Variants in SCN10A observed in about 807,000 individuals in gnomAD.
The protein encoded by SCN10A is sodium voltage-gated channel alpha subunit 10.
Under a neutral mutation model 170.7 loss-of-function variants are expected in SCN10A, and 162 were observed. That is an observed-to-expected ratio of 0.95 (90% confidence interval 0.84 to 1.08). The LOEUF (loss-of-function observed/expected upper bound fraction) is 1.08. SCN10A is among the 50% of genes least tolerant of loss of function. SCN10A has a pLI of 0.00. For missense variants in SCN10A, 2,527 were observed against 2,436.9 expected, an observed-to-expected ratio of 1.04 and a Z score of -0.78; for synonymous variants, 985 against 904.6, an observed-to-expected ratio of 1.09 and a Z score of -1.59.
Position 38,714,003 on chromosome 3 carries a change from G to A in SCN10A, c.3759C>T (p.Arg1253=), listed in dbSNP as rs749134108. The A allele has an allele frequency of 3.0e-5, 49 of 1,613,950 alleles. No homozygotes were observed. The Middle Eastern group carries it at 6.7e-4, about 22-fold the overall frequency. ...AAAGAGCCCGCAGTGGCCGCAGAGC[G>A]CGAAGGGTTCGAAGGGCTTTGATGG... ...VAPIKALRTL[R]ALRPLRALSR... The change falls in exon 22 of 28, where the codon CGC becomes CGT. Residue 1253 remains arginine (R), a synonymous_variant. Transcript: ENST00000449082.
chr3:38,745,651 C>A (rs976406831), intron 13 of SCN10A, among the ~76,000 whole-genome samples: 18 of 152,050 alleles, frequency 1.2e-4, no homozygotes. Context: ...TTCAATATGA[C>A]CTCTGCCTAC....
At chr3:38,739,176 A>T (rs977054573) in intron 15 of SCN10A, among the ~76,000 whole-genome samples, 2 of 152,204 alleles carry the variant, frequency 1.3e-5, no homozygotes, top group African/African-American at 4.8e-5. Context: ...TCAAGTGTCC[A>T]GTGCTATGCC....
chr3:38,771,431 G>C, intron 4 of SCN10A, 24 bp from the exon 5 acceptor site: 1 of 1,611,960 alleles, frequency 6.2e-7, no homozygotes, highest in Non-Finnish European at 8.5e-7. Flanking sequence ...TAGAAAAGGA[G>C]TGTCAACTGT....
chr3:38,713,913 C>T lies in SCN10A; in HGVS notation c.3804+45G>A, dbSNP rs2063302598. The T allele has an allele frequency of 1.1e-5, 17 of 1,607,266 alleles. No individual in the cohort carries two copies. The highest frequency in any genetic ancestry group is 1.7e-5 in the Admixed American group (1 of 59,960). On this transcript the variant is annotated intron_variant, in intron 22 of 27. Transcript: ENST00000449082. Reference sequence around the variant, plus strand: ...AAAGTGCTGGGATTACAGGCATGAACCACCGTGCCTGGCCAGATGAGAGAA... The same window carrying T: ...AAAGTGCTGGGATTACAGGCATGAATCACCGTGCCTGGCCAGATGAGAGAA...
At chr3:38,717,447 C>T (rs560799904) in intron 21 of SCN10A, among the ~76,000 whole-genome samples, 7 of 152,288 alleles carry the variant, frequency 4.6e-5, no homozygotes, top group South Asian at 4.1e-4. Context: ...GGTGGGACAC[C>T]GGAATAAATA....
At chr3:38,740,684 T>C (rs1298648525) in intron 14 of SCN10A, among the ~76,000 whole-genome samples, 2 of 152,324 alleles carry the variant, frequency 1.3e-5, no homozygotes, top group South Asian at 2.1e-4. Context: ...TGCTCTCTTT[T>C]GTCATGTGAG....
At chr3:38,732,403 C>A (rs138522956) in intron 15 of SCN10A, among the ~76,000 whole-genome samples, 1 of 152,194 alleles carries the variant, frequency 6.6e-6, no homozygotes, top group African/African-American at 2.4e-5. Context: ...ATCCTTGAGG[C>A]GCTACTTGAA....
intron 5 of SCN10A, among the ~76,000 whole-genome samples, chr3:38,769,239 C>CTTTTTTTTTTTTT (rs56406440): frequency 9.1e-6 from 1 of 109,978 alleles, no homozygotes; most frequent in African/African-American, 3.5e-5. Flanking sequence ...CTTCTGAATT[C>CTTTTTTTTTTTTT]TTTTTTTTTT....
intron 11 of SCN10A, among the ~76,000 whole-genome samples, chr3:38,753,112 T>C (rs998780972): frequency 2.6e-5 from 4 of 152,188 alleles, no homozygotes; most frequent in African/African-American, 7.2e-5. Flanking sequence ...ATGGAGAGAC[T>C]GAAGGAAGGG....
chr3:38,699,998 A>G (rs2063140277), intron 27 of SCN10A, among the ~76,000 whole-genome samples: 1 of 152,178 alleles, frequency 6.6e-6, no homozygotes, highest in Non-Finnish European at 1.5e-5. Context: ...CCCATCATAG[A>G]ACTAAGTACT....
intron 22 of SCN10A, 116 bp downstream of exon 22, chr3:38,713,842 G>A (rs2063301773): frequency 2.5e-6 from 3 of 1,208,140 alleles, no homozygotes; most frequent in Non-Finnish European, 2.3e-6. Flanking sequence ...TGGCCAGGGT[G>A]GTTTTGAACT....
At chr3:38,727,550 G>T (rs1036122342) in intron 16 of SCN10A, among the ~76,000 whole-genome samples, 1 of 152,190 alleles carries the variant, frequency 6.6e-6, no homozygotes, top group Non-Finnish European at 1.5e-5. Flanking sequence ...GGCTCTGCAG[G>T]GATGGTGGGC....
intron 1 of SCN10A, among the ~76,000 whole-genome samples, chr3:38,807,206 TA>T (rs1413019908): frequency 4.6e-5 from 7 of 152,216 alleles, no homozygotes; most frequent in African/African-American, 1.7e-4. Context: ...CTAAAGTCAC[TA>T]ATGTAGATAA....
intron 4 of SCN10A, among the ~76,000 whole-genome samples, chr3:38,786,842 C>G (rs2064210855): frequency 6.6e-6 from 1 of 152,078 alleles, no homozygotes. Context: ...ATGTGTTGGT[C>G]TGTTTATGGA....
chr3:38,726,731 T>A lies in SCN10A; in HGVS notation c.2962A>T (p.Ile988Phe). ...GAGACCCACACAGTCGGATTAGCGATGAAGTCACTGTGCTCATCCCTGGGG... is the reference window on the plus strand; with the variant it reads ...GAGACCCACACAGTCGGATTAGCGAAGAAGTCACTGTGCTCATCCCTGGGG... ...RGPRDEHSDF[I>F]ANPTVWVSVP... The change falls in exon 17 of 28, where the codon ATC (isoleucine) becomes TTC (phenylalanine). Residue 988 changes from isoleucine to phenylalanine, a missense_variant. Physicochemically the swap from Ile to Phe is conservative, Grantham distance 21. Coordinates refer to ENST00000449082, the MANE Select transcript of SCN10A (RefSeq NM_006514.4). 1 of 1,613,042 alleles carries A rather than the reference T, an allele frequency of 6.2e-7. No individual in the cohort carries two copies. The highest frequency in any genetic ancestry group is 8.5e-7 in the Non-Finnish European group (1 of 1,179,058).
chr3:38,761,472 T>G, intron 6 of SCN10A, 89 bp from the exon 7 acceptor site: 6 of 1,162,966 alleles, frequency 5.2e-6, no homozygotes, highest in East Asian at 2.5e-5. Context: ...CCTTCATCTC[T>G]ACATACAGGA....
At position 38,726,744 on chromosome 3, in the gene SCN10A, C is replaced by T. The variant is rs1479121016; in HGVS notation, c.2949G>A (p.Glu983=). The change falls in exon 17 of 28, where the codon GAG becomes GAA. Residue 983 remains glutamate, a synonymous_variant. Transcript: ENST00000449082. The part of the protein sequence containing the change: ...GLQAPRGPRD[E]HSDFIANPTV... The stretch of plus-strand genomic sequence containing the variant: ...TCGGATTAGCGATGAAGTCACTGTG[C>T]TCATCCCTGGGGCCTCTGGGAGCTT... The T allele has an allele frequency of 2.5e-6, 4 of 1,613,010 alleles. 1 individual carries two copies. The highest frequency in any genetic ancestry group is 3.4e-6 in the Non-Finnish European group (4 of 1,179,026).
chr3:38,725,565 T>C (rs1341033587), intron 17 of SCN10A, among the ~76,000 whole-genome samples: 1 of 152,278 alleles, frequency 6.6e-6, no homozygotes, highest in African/African-American at 2.4e-5. Context: ...ACCTCTCTAA[T>C]CTTCATTTTT....
chr3:38,782,275 C>T (rs1045644229), intron 4 of SCN10A, among the ~76,000 whole-genome samples: 2 of 152,048 alleles, frequency 1.3e-5, no homozygotes, highest in African/African-American at 4.8e-5. Flanking sequence ...TGTATCATGT[C>T]AACACTTGCA....
Sources: allele counts gnomAD v4.1 joint callset (sites outside exome capture counted in the v4.1 genomes callset), GRCh38; gene constraint gnomAD v4.1.1; transcripts MANE v1.5; gene names NCBI Gene and HGNC (gene_info 2026-07-23, HGNC 2026-07-21).